MAPK10: variants seen among roughly 807,000 people sequenced by gnomAD.
The protein encoded by MAPK10 is mitogen-activated protein kinase 10, also known as JNK3 alpha protein kinase.
A neutral mutation model predicts 59.3 loss-of-function variants in MAPK10; 25 were observed. The observed-to-expected ratio is 0.42, with a 90% CI of 0.31 to 0.59. The LOEUF (loss-of-function observed/expected upper bound fraction) is 0.59, where lower values mean the gene tolerates loss of function less well. Ranked by LOEUF, MAPK10 falls within the 20% of genes least tolerant of loss-of-function variation. The pLI, the probability that MAPK10 is intolerant of heterozygous loss-of-function variation, is 0.15. For missense variants in MAPK10, 351 were observed against 568.9 expected (o/e 0.62, Z 3.90); for synonymous variants, 190 against 200.5 (o/e 0.95, Z 0.44).
At chr4:86,350,091 G>A (rs1421603522) in intron 2 of MAPK10, among the ~76,000 whole-genome samples, 8 of 152,084 alleles carry the variant, frequency 5.3e-5, no homozygotes, top group East Asian at 3.9e-4. Context: ...TTGCTCTGTC[G>A]CCCAGGTTGG....
At chr4:86,269,000 C>T (rs1410757957) in intron 2 of MAPK10, among the ~76,000 whole-genome samples, 2 of 152,092 alleles carry the variant, frequency 1.3e-5, no homozygotes, top group African/African-American at 2.4e-5. Flanking sequence ...ATTACATATA[C>T]GGTAATGATT....
At chr4:86,555,716 G>C (rs1396150248) in intron 1 of MAPK10, among the ~76,000 whole-genome samples, 1 of 151,980 alleles carries the variant, frequency 6.6e-6, no homozygotes. Context: ...TAAATATAAT[G>C]AGCTATAGCA....
At chr4:86,245,195 T>A (rs2093001605) in intron 2 of MAPK10, among the ~76,000 whole-genome samples, 2 of 152,194 alleles carry the variant, frequency 1.3e-5, no homozygotes, top group African/African-American at 4.8e-5. Flanking sequence ...ACACTAACTA[T>A]AAGAGCTCTT....
intron 1 of MAPK10, among the ~76,000 whole-genome samples, chr4:86,495,764 A>G (rs942284689): frequency 6.6e-6 from 1 of 152,038 alleles, no homozygotes; most frequent in Non-Finnish European, 1.5e-5. Context: ...TTTATGTCCT[A>G]TGAACTTTCT....
At position 86,014,303 on chromosome 4, in the gene MAPK10, G is replaced by GGGGGGT. The variant is rs1376156770; in HGVS notation, c.*2924_*2925insACCCCC. 9.0e-5 allele frequency: 13 copies of GGGGGGT among 143,992 alleles called. No individual in the cohort carries two copies. The highest frequency in any genetic ancestry group is 4.9e-4 in the Admixed American group (7 of 14,402). The allele number at this position is 143,992 out of a possible 1,614,324, so 8.9% of individuals were successfully genotyped here. On this transcript the variant is annotated 3_prime_UTR_variant, in exon 14 of 14. Transcript: ENST00000641462. ...AGGTGACTATTTAAGAAATATTTGGGGTGTGTGTGTGTGTGTGTGTGTGTG... is the reference window on the plus strand; with the variant it reads ...AGGTGACTATTTAAGAAATATTTGGGGGGGGTGTGTGTGTGTGTGTGTGTGTGTGTG...
intron 2 of MAPK10, among the ~76,000 whole-genome samples, chr4:86,342,545 C>G (rs1456473963): frequency 6.7e-6 from 1 of 149,488 alleles, no homozygotes; most frequent in Non-Finnish European, 1.5e-5. Context: ...CCTGTCAGAG[C>G]TCATTAATCC....
intron 4 of MAPK10, among the ~76,000 whole-genome samples, chr4:86,141,423 G>A (rs1305041111): frequency 6.6e-6 from 1 of 152,162 alleles, no homozygotes; most frequent in African/African-American, 2.4e-5. Context: ...CAGTGTGGGG[G>A]AGTATTCTGT....
chr4:86,012,456 C>G lies in MAPK10; in HGVS notation c.*4772G>C, dbSNP rs1164437371. 6.6e-6 allele frequency: 1 copy of G among 152,146 alleles called. No individual in the cohort carries two copies. The highest frequency in any genetic ancestry group is 1.9e-4 in the East Asian group (1 of 5,194). The allele number at this position is 152,146 out of a possible 1,614,324, so 9.4% of individuals were successfully genotyped here. A position where few individuals can be genotyped will look rare whatever the true frequency, so the allele number is the denominator to read the frequency against. ...CATAACCATTGTCAACAGGCAAACT[C>G]CAACAATGTCTGGGTTTGGATTTGG... On this transcript the variant is annotated 3_prime_UTR_variant, in exon 14 of 14. Transcript: ENST00000641462.
intron 4 of MAPK10, among the ~76,000 whole-genome samples, chr4:86,112,316 T>C (rs2057623578): frequency 6.6e-6 from 1 of 152,188 alleles, no homozygotes; most frequent in Admixed American, 6.5e-5. Flanking sequence ...AGGGTATCAA[T>C]TTGAGATCTT....
rs757876486 is a variant in MAPK10, at chr4:86,103,166, T to TC, written c.425+19dup. The TC allele has an allele frequency of 6.3e-7, 1 of 1,590,368 alleles. No homozygotes were observed. Among genetic ancestry groups the TC allele is most frequent in the South Asian group, 1.1e-5 (1 of 90,528 alleles). On this transcript the variant is annotated intron_variant, in intron 6 of 13. Coordinates refer to ENST00000641462, the MANE Select transcript of MAPK10 (RefSeq NM_138982.4). ...TCTGAGTGCTGTGCTCTCCCTTCCT[T>TC]CATGAGTTTTGTTACTTACACATCT...
chr4:86,078,991 C>T (rs1264078560), intron 9 of MAPK10, among the ~76,000 whole-genome samples: 2 of 151,942 alleles, frequency 1.3e-5, no homozygotes, highest in East Asian at 3.9e-4. Flanking sequence ...CTTTGTCCCC[C>T]ACCCCCCCAA....
At chr4:86,497,353 T>A (rs552617797) in intron 1 of MAPK10, among the ~76,000 whole-genome samples, 1 of 152,304 alleles carries the variant, frequency 6.6e-6, no homozygotes, top group East Asian at 1.9e-4. Flanking sequence ...GGGCATGCAC[T>A]GAATGGCCAG....
intron 2 of MAPK10, among the ~76,000 whole-genome samples, chr4:86,341,515 T>C (rs1316533843): frequency 6.6e-6 from 1 of 152,182 alleles, no homozygotes; most frequent in Non-Finnish European, 1.5e-5. Context: ...CAATGTGTCA[T>C]AGGAAATAAT....
chr4:86,168,423 T>G (rs1452957828), intron 3 of MAPK10, among the ~76,000 whole-genome samples: 3 of 152,216 alleles, frequency 2.0e-5, no homozygotes, highest in Non-Finnish European at 2.9e-5. Flanking sequence ...CGCACCTGGC[T>G]TGAAGGGTCC....
chr4:86,391,585 G>A (rs988657518), intron 1 of MAPK10, among the ~76,000 whole-genome samples: 4 of 152,084 alleles, frequency 2.6e-5, no homozygotes, highest in East Asian at 1.9e-4. Context: ...AGCATACCTC[G>A]CCAGGCAGTG....
At chr4:86,100,859 A>T in intron 8 of MAPK10, 193 bp downstream of exon 8, 1 of 507,612 alleles carries the variant, frequency 2.0e-6, no homozygotes, top group East Asian at 3.0e-5. Flanking sequence ...AGCAAAACTG[A>T]CTTCTCAATA....
In MAPK10 at chr4:86,021,710, G is replaced by A. The variant is rs1025563915; in HGVS notation, c.1253-4340C>T. 1.4e-4 allele frequency among the ~76,000 whole-genome samples: 22 copies of A among 152,346 alleles called. No homozygotes were observed. In the East Asian group the frequency reaches 4.3e-3, roughly 29 times the overall value. On this transcript the variant is annotated intron_variant, in intron 13 of 13. Transcript: ENST00000641462. Reference sequence around the variant, plus strand: ...GCACAGGAGCCCATGGAGTGGGTGGGAGGCTCAGGCATGGCGGGCTGCAGG... The same window carrying A: ...GCACAGGAGCCCATGGAGTGGGTGGAAGGCTCAGGCATGGCGGGCTGCAGG...
intron 1 of MAPK10, among the ~76,000 whole-genome samples, chr4:86,407,309 G>A (rs1215397714): frequency 6.6e-6 from 1 of 152,172 alleles, no homozygotes; most frequent in East Asian, 1.9e-4. Context: ...GGAAGTAAAT[G>A]TTCCTGAGAA....
At chr4:86,163,570 G>A (rs181634742) in intron 3 of MAPK10, among the ~76,000 whole-genome samples, 44 of 152,202 alleles carry the variant, frequency 2.9e-4, no homozygotes, top group Admixed American at 2.8e-3. Flanking sequence ...AGCATGCTTA[G>A]CCAATACTTG....
Sources: gnomAD v4.1 joint callset for allele counts (sites outside exome capture counted in the v4.1 genomes callset) on GRCh38, gnomAD v4.1.1 for gene constraint, MANE v1.5 for transcripts, NCBI Gene and HGNC (gene_info 2026-07-23, HGNC 2026-07-21) for gene names.